REXO5: variants seen among roughly 807,000 people sequenced by gnomAD.
REXO5 encodes exonuclease NEF-sp.
In REXO5, 48 loss-of-function variants were observed where a neutral mutation model predicts 88.5. The ratio of observed to expected loss-of-function variants is 0.54; its 90% CI spans 0.43 to 0.69. The LOEUF is 0.69. REXO5 is among the 30% of genes least tolerant of loss of function. The pLI is 0.00. For missense variants in REXO5, 749 were observed against 912.2 expected, an observed-to-expected ratio of 0.82 and a Z score of 2.30; for synonymous variants, 311 against 336.5, an observed-to-expected ratio of 0.92 and a Z score of 0.83.
chr16:20,841,799 T>C (rs1475930303), intron 15 of REXO5, among the ~76,000 whole-genome samples: 1 of 152,018 alleles, frequency 6.6e-6, no homozygotes, highest in East Asian at 1.9e-4. Context: ...AGAGACTGGG[T>C]TTCACCATAT....
intron 18 of REXO5, among the ~76,000 whole-genome samples, chr16:20,845,835 G>A (rs765808940): frequency 6.6e-6 from 1 of 152,074 alleles, no homozygotes; most frequent in Non-Finnish European, 1.5e-5. Flanking sequence ...CCCTGTCTTA[G>A]TCTAATCTCT....
At chr16:20,806,427 C>T, upstream of REXO5, 1 of 1,553,196 alleles carries the variant, frequency 6.4e-7, no homozygotes, top group Non-Finnish European at 8.7e-7. Context: ...CGCTTGGTCG[C>T]CATTCCCGAC....
intron 5 of REXO5, among the ~76,000 whole-genome samples, chr16:20,820,545 T>TATATATATATATATATATA (rs1491420198): frequency 2.6e-3 from 32 of 12,360 alleles, no homozygotes; most frequent in East Asian, 9.1e-3. Flanking sequence ...TATATATATA[T>TATATATATATATATATATA]TTTTTTTTTT....
intron 5 of REXO5, among the ~76,000 whole-genome samples, chr16:20,819,131 A>G (rs887195345): frequency 2.6e-5 from 4 of 152,166 alleles, no homozygotes; most frequent in African/African-American, 9.7e-5. Context: ...ATAGTATTCC[A>G]TGGTGTATAT....
chr16:20,838,517 A>G (rs769489628), intron 13 of REXO5, among the ~76,000 whole-genome samples: 1 of 152,124 alleles, frequency 6.6e-6, no homozygotes, highest in Non-Finnish European at 1.5e-5. Flanking sequence ...ACCTTCACCA[A>G]TCAGCCTAGT....
At position 20,837,533 on chromosome 16, in the gene REXO5, C is replaced by T. The variant is rs538825490; in HGVS notation, c.1384-2222C>T. 7.9e-5 allele frequency among the ~76,000 whole-genome samples: 12 copies of T among 152,244 alleles called. No homozygotes were observed. The East Asian group carries it at 1.4e-3, about 17-fold the overall frequency. On this transcript the variant is annotated intron_variant, in intron 13 of 19. Coordinates refer to ENST00000261377, the MANE Select transcript of REXO5 (RefSeq NM_030941.3). ...TGATCCTTTTGATTTCATTTGTATA[C>T]TCCTAATTCTTTCCATGCTTTTCAT... is the stretch of plus-strand genomic sequence containing the variant.
intron 3 of REXO5, among the ~76,000 whole-genome samples, chr16:20,814,580 G>A (rs750748137): frequency 5.9e-5 from 9 of 152,110 alleles, no homozygotes; most frequent in Non-Finnish European, 1.3e-4. Context: ...TGATTCCCTG[G>A]TTTAGGAAGG....
Position 20,838,073 on chromosome 16 carries a change from GT to G in REXO5, c.1384-1675del, listed in dbSNP as rs565133402. The stretch of plus-strand genomic sequence containing the variant: ...TGAGCCACCGCGCCCAGCTGTTGCT[GT>G]TTTTTTAATAGTAGTTTAGATTAAT... On this transcript the variant is annotated intron_variant, in intron 13 of 19. Transcript: ENST00000261377. Among the ~76,000 whole-genome samples the G allele has an allele frequency of 1.3e-3, 205 of 152,178 alleles. 1 individual carries two copies. The highest frequency in any genetic ancestry group is 4.7e-3 in the African/African-American group (197 of 41,524).
chr16:20,838,654 C>T (rs1651245107), intron 13 of REXO5, among the ~76,000 whole-genome samples: 1 of 152,134 alleles, frequency 6.6e-6, no homozygotes, highest in African/African-American at 2.4e-5. Flanking sequence ...CTCTTTCTTC[C>T]CCTGGTTTCT....
intron 8 of REXO5, 148 bp from the exon 9 acceptor site, chr16:20,826,910 A>T: frequency 1.4e-6 from 1 of 722,940 alleles, no homozygotes; most frequent in Non-Finnish European, 2.1e-6. Flanking sequence ...TAGGATTATG[A>T]CTAATTTTTA....
intron 2 of REXO5, among the ~76,000 whole-genome samples, chr16:20,810,434 G>T (rs761571661): frequency 6.6e-6 from 1 of 150,454 alleles, no homozygotes; most frequent in Non-Finnish European, 1.5e-5. Flanking sequence ...TGAGACAAAA[G>T]TCTTGCCCTG....
Position 20,839,871 on chromosome 16 carries a change from G to A in REXO5, c.1488+12G>A. ...AGATGAACAAAAGGGTAAGTGAATG[G>A]GTTCTGCTGAATGATTTATTTAGTG... On this transcript the variant is annotated intron_variant, in intron 14 of 19. Coordinates refer to ENST00000261377, the MANE Select transcript of REXO5 (RefSeq NM_030941.3). 1 of 1,507,984 alleles carries A rather than the reference G, an allele frequency of 6.6e-7. No individual in the cohort carries two copies. The allele number at this position is 1,507,984 out of a possible 1,614,324, so 93.4% of individuals were successfully genotyped here.
At chr16:20,843,043 G>A (rs2081554440) in intron 15 of REXO5, among the ~76,000 whole-genome samples, 1 of 152,196 alleles carries the variant, frequency 6.6e-6, no homozygotes, top group African/African-American at 2.4e-5. Flanking sequence ...CCTAATGGAT[G>A]TGAAATGGTA....
intron 19 of REXO5, among the ~76,000 whole-genome samples, chr16:20,847,185 G>A (rs918758357): frequency 4.2e-4 from 63 of 151,782 alleles, no homozygotes; most frequent in African/African-American, 1.5e-3. Context: ...CAAGGTGAGC[G>A]GAGCACTTGA....
At chr16:20,811,237 C>T (rs2080993788) in intron 2 of REXO5, among the ~76,000 whole-genome samples, 1 of 152,214 alleles carries the variant, frequency 6.6e-6, no homozygotes, top group Non-Finnish European at 1.5e-5. Context: ...ATATAGACTC[C>T]ATCTTGCTCA....
At chr16:20,818,194 CCTTTT>C (rs746712827) in intron 5 of REXO5, among the ~76,000 whole-genome samples, 7 of 152,098 alleles carry the variant, frequency 4.6e-5, no homozygotes, top group Non-Finnish European at 8.8e-5. Context: ...CTTTTCTCCT[CCTTTT>C]CTTCAAAGCC....
chr16:20,813,647 C>T (rs2081037178), intron 3 of REXO5, among the ~76,000 whole-genome samples: 2 of 152,202 alleles, frequency 1.3e-5, no homozygotes, highest in Non-Finnish European at 2.9e-5. Context: ...CCCATATTTA[C>T]AGTATCTGTC....
At chr16:20,830,409 T>G (rs1349053081) in intron 11 of REXO5, among the ~76,000 whole-genome samples, 1 of 151,900 alleles carries the variant, frequency 6.6e-6, no homozygotes, top group Non-Finnish European at 1.5e-5. Context: ...TTGGCCAGGC[T>G]GGTCTCAAAC....
At chr16:20,832,731 G>A (rs980724794) in intron 12 of REXO5, among the ~76,000 whole-genome samples, 1 of 152,042 alleles carries the variant, frequency 6.6e-6, no homozygotes, top group South Asian at 2.1e-4. Context: ...TATATTTCTT[G>A]TTTATCCTTC....
Sources: allele counts gnomAD v4.1 joint callset (sites outside exome capture counted in the v4.1 genomes callset), GRCh38; gene constraint gnomAD v4.1.1; transcripts MANE v1.5; gene names NCBI Gene and HGNC (gene_info 2026-07-23, HGNC 2026-07-21).